The following SPIRE1 variants were observed in gnomAD, a reference collection of about 807,000 sequenced individuals.
SPIRE1 encodes spire type actin nucleation factor 1, also known as protein spire homolog 1.
A neutral mutation model predicts 94.1 loss-of-function variants in SPIRE1; 40 were observed. That is an observed-to-expected ratio of 0.43 (90% confidence interval 0.33 to 0.55). The LOEUF (loss-of-function observed/expected upper bound fraction) is 0.55, where lower values mean the gene tolerates loss of function less well. Among genes scored for constraint, SPIRE1 ranks in the 20% least tolerant of loss-of-function variants. The probability of loss-of-function intolerance (pLI) is 0.06; values close to 1 mark genes in which losing one functional copy is unlikely to be tolerated. For missense variants in SPIRE1, 838 were observed against 975.2 expected (o/e 0.86, Z 1.87); for synonymous variants, 376 against 371.7 (o/e 1.01, Z -0.13).
intron 5 of SPIRE1, 42 bp from the exon 6 acceptor site, chr18:12,506,683 A>G: frequency 1.9e-6 from 3 of 1,581,070 alleles, no homozygotes; most frequent in South Asian, 1.1e-5. Flanking sequence ...GAATAAATGT[A>G]CTAGTTTCTT....
chr18:12,632,140 T>C (rs1230667004), intron 2 of SPIRE1, among the ~76,000 whole-genome samples: 1 of 152,006 alleles, frequency 6.6e-6, no homozygotes, highest in Non-Finnish European at 1.5e-5. Flanking sequence ...CTTAAGAGAA[T>C]GAAAGTATAA....
intron 2 of SPIRE1, among the ~76,000 whole-genome samples, chr18:12,620,692 A>G (rs2037441729): frequency 1.3e-5 from 2 of 152,232 alleles, no homozygotes; most frequent in African/African-American, 4.8e-5. Flanking sequence ...AACCAAAACT[A>G]TAAAACTCTC....
chr18:12,568,434 C>T (rs2035872046), intron 2 of SPIRE1, among the ~76,000 whole-genome samples: 2 of 152,196 alleles, frequency 1.3e-5, no homozygotes, highest in South Asian at 4.1e-4. Flanking sequence ...GGCCTTTCTC[C>T]TGCATTTTGT....
At chr18:12,527,000 G>A (rs192204935) in intron 4 of SPIRE1, among the ~76,000 whole-genome samples, 32 of 152,116 alleles carry the variant, frequency 2.1e-4, no homozygotes, top group African/African-American at 7.0e-4. Flanking sequence ...GAGCTACTGC[G>A]CCTGGCCACG....
At chr18:12,610,046 C>T (rs1056783780) in intron 2 of SPIRE1, among the ~76,000 whole-genome samples, 2 of 152,040 alleles carry the variant, frequency 1.3e-5, no homozygotes, top group Non-Finnish European at 2.9e-5. Flanking sequence ...CTCACTGATG[C>T]TTCCTCCCCA....
chr18:12,576,373 G>A (rs868717102), intron 2 of SPIRE1, among the ~76,000 whole-genome samples: 1 of 151,712 alleles, frequency 6.6e-6, no homozygotes, highest in African/African-American at 2.4e-5. Flanking sequence ...TGAGACGGGT[G>A]AAACTCAAGA....
At chr18:12,655,182 C>T (rs2038504388) in intron 1 of SPIRE1, among the ~76,000 whole-genome samples, 1 of 150,700 alleles carries the variant, frequency 6.6e-6, no homozygotes, top group South Asian at 2.1e-4. Context: ...TACAGCACTG[C>T]ACTCCAGCCT....
Position 12,447,838 on chromosome 18 carries a change from C to T in SPIRE1, c.*1800G>A, listed in dbSNP as rs2031019028. 1 of 152,066 alleles carries T rather than the reference C, an allele frequency of 6.6e-6. No homozygotes were observed. The allele number at this position is 152,066 out of a possible 1,614,324, so 9.4% of individuals were successfully genotyped here. ...CATATTTATATACATATACAAATAC[C>T]ATTTCCTTCCCCCTTGTGCCCTTCT... On this transcript the variant is annotated 3_prime_UTR_variant, in exon 17 of 17. Transcript: ENST00000409402.
At chr18:12,650,379 C>A (rs972451286) in intron 1 of SPIRE1, among the ~76,000 whole-genome samples, 3 of 152,130 alleles carry the variant, frequency 2.0e-5, no homozygotes, top group Admixed American at 1.3e-4. Flanking sequence ...GGCAACATGG[C>A]AAAATCTCTG....
At chr18:12,507,289 A>G (rs188091014) in intron 5 of SPIRE1, among the ~76,000 whole-genome samples, 59 of 152,328 alleles carry the variant, frequency 3.9e-4, no homozygotes, top group Non-Finnish European at 6.2e-4. Context: ...CAGCTATTTG[A>G]CACGGAGCAA....
intron 2 of SPIRE1, among the ~76,000 whole-genome samples, chr18:12,624,484 A>C (rs2037564432): frequency 6.7e-6 from 1 of 148,340 alleles, no homozygotes; most frequent in South Asian, 2.2e-4. Flanking sequence ...CGGGGGTTGC[A>C]GTGAGCCGAG....
intron 2 of SPIRE1, among the ~76,000 whole-genome samples, chr18:12,618,123 CA>C (rs1428025265): frequency 1.3e-5 from 2 of 151,632 alleles, no homozygotes; most frequent in African/African-American, 2.4e-5. Context: ...TTTTTTGAGA[CA>C]GGAGTCTTGC....
intron 2 of SPIRE1, among the ~76,000 whole-genome samples, chr18:12,625,814 G>T (rs144287130): frequency 0.025 from 3,849 of 152,208 alleles, 170 homozygotes; most frequent in African/African-American, 0.087. Flanking sequence ...AGGCCAAGGC[G>T]GGTGGATCAC....
rs368087838 is a variant in SPIRE1 at position 12,464,877 on chromosome 18, T to A, written c.1486A>T (p.Thr496Ser). 20 of 1,613,480 alleles carry A rather than the reference T, an allele frequency of 1.2e-5. No individual in the cohort carries two copies. In the East Asian group the frequency reaches 3.3e-4, roughly 27 times the overall value. ...PEEPVLEAVSTRKKPPKFLPI... is the reference protein window; with the variant it reads ...PEEPVLEAVSSRKKPPKFLPI... ...CACCACAACTACTCACTCTTCCTTGTGGACACGGCCTCCAGGACTGGCTCT... is the reference window on the plus strand; with the variant it reads ...CACCACAACTACTCACTCTTCCTTGAGGACACGGCCTCCAGGACTGGCTCT... The change falls in exon 11 of 17, where the codon ACA (threonine) becomes TCA (serine). Residue 496 changes from threonine to serine, a missense_variant. By Grantham distance (58) the Thr-to-Ser change is moderately conservative (BLOSUM62 1). Coordinates refer to ENST00000409402, the MANE Select transcript of SPIRE1 (RefSeq NM_001128626.2).
chr18:12,563,343 G>GT (rs1432169634), intron 2 of SPIRE1, among the ~76,000 whole-genome samples: 1 of 151,530 alleles, frequency 6.6e-6, no homozygotes, highest in Non-Finnish European at 1.5e-5. Flanking sequence ...AGAGATGGGG[G>GT]TCTCCAGCCC....
At chr18:12,487,402 CTTT>C (rs35743856) in intron 8 of SPIRE1, among the ~76,000 whole-genome samples, 10 of 132,668 alleles carry the variant, frequency 7.5e-5, no homozygotes, top group Non-Finnish European at 8.2e-5. Context: ...TATTTTCTTT[CTTT>C]TTTTTTTTTT....
At chr18:12,488,507 C>G (rs1305286078) in intron 8 of SPIRE1, among the ~76,000 whole-genome samples, 2 of 152,022 alleles carry the variant, frequency 1.3e-5, no homozygotes, top group African/African-American at 4.8e-5. Context: ...TTCTAATACC[C>G]CAATTTAATG....
At chr18:12,637,865 T>C (rs1189589767) in intron 1 of SPIRE1, among the ~76,000 whole-genome samples, 1 of 152,196 alleles carries the variant, frequency 6.6e-6, no homozygotes, top group Non-Finnish European at 1.5e-5. Flanking sequence ...TAAGAGTCTA[T>C]AAAATAAGAT....
chr18:12,575,295 AAAAAAAAT>A (rs2036065172), intron 2 of SPIRE1, among the ~76,000 whole-genome samples: 1 of 151,916 alleles, frequency 6.6e-6, no homozygotes, highest in African/African-American at 2.4e-5. Flanking sequence ...ACAAAGAGTA[AAAAAAAAT>A]AAAAAAATTA....
Sources: allele counts gnomAD v4.1 joint callset (sites outside exome capture counted in the v4.1 genomes callset), GRCh38; gene constraint gnomAD v4.1.1; transcripts MANE v1.5; gene names NCBI Gene and HGNC (gene_info 2026-07-23, HGNC 2026-07-21).